THAP5: variants seen among roughly 807,000 people sequenced by gnomAD.
The protein encoded by THAP5 is THAP domain containing 5.
THAP5 carries 26 observed loss-of-function variants against 34.0 expected under a neutral mutation model. The ratio of observed to expected loss-of-function variants is 0.77; its 90% CI spans 0.56 to 1.06. The LOEUF is 1.06. Among genes scored for constraint, THAP5 ranks in the 50% least tolerant of loss-of-function variants. The pLI is 0.00. For missense variants in THAP5, 394 were observed against 452.8 expected, an observed-to-expected ratio of 0.87 and a Z score of 1.18; for synonymous variants, 125 against 153.0, an observed-to-expected ratio of 0.82 and a Z score of 1.35.
chr7:108,566,015 G>A lies in THAP5; in HGVS notation c.88C>T (p.Leu30=), dbSNP rs758197886. 2 of 1,501,362 alleles carry A rather than the reference G, an allele frequency of 1.3e-6. No homozygotes were observed. The highest frequency in any genetic ancestry group is 1.3e-5 in the South Asian group (1 of 76,160). The allele number at this position is 1,501,362 out of a possible 1,614,324, so 93.0% of individuals were successfully genotyped here. Residue 30 remains leucine, a synonymous_variant, in exon 2 of 3, where the codon CTA becomes TTA. Transcript: ENST00000415914. The part of the protein sequence containing the change: ...DRKLSFYPFP[L]HDKERLEKWL... ...TTTTCCAGTCTTTCTTTGTCATGTA[G>A]AGGAAATCTGGAATTTAAAAAAAAA... is the stretch of plus-strand genomic sequence containing the variant.
chr7:108,569,618 G>T lies in THAP5; in HGVS notation c.-49C>A, dbSNP rs575147842. The T allele has an allele frequency of 5.2e-4, 804 of 1,546,168 alleles. 1 individual carries two copies. The highest frequency in any genetic ancestry group is 5.7e-4 in the Non-Finnish European group (652 of 1,146,094). On this transcript the variant is annotated 5_prime_UTR_variant, in exon 1 of 3. Transcript: ENST00000415914. Reference sequence around the variant, plus strand: ...CCGGGGCCGGCGACGGATGCAGGGCGGCCCTCCTCACTGAGGATGCGCCAC... The same window carrying T: ...CCGGGGCCGGCGACGGATGCAGGGCTGCCCTCCTCACTGAGGATGCGCCAC...
At chr7:108,550,790 C>T (rs140197720), downstream of THAP5, among the ~76,000 whole-genome samples, 863 of 152,296 alleles carry the variant, frequency 5.7e-3, 4 homozygotes, top group Admixed American at 0.013. Flanking sequence ...ATAAGGCTCA[C>T]CCTAATGGCC....
At chr7:108,548,646 GA>G in the THAP5 span, among the ~76,000 whole-genome samples, 1 of 152,180 alleles carries the variant, frequency 6.6e-6, no homozygotes, top group African/African-American at 2.4e-5. Flanking sequence ...AATCATGACT[GA>G]AGGCAAATGA....
intron 1 of THAP5, among the ~76,000 whole-genome samples, chr7:108,567,942 A>C (rs376667216): frequency 1.1e-4 from 17 of 152,238 alleles, no homozygotes; most frequent in African/African-American, 4.1e-4. Flanking sequence ...AGTTTAGTTA[A>C]AAATTTCAGT....
downstream of THAP5, among the ~76,000 whole-genome samples, chr7:108,552,171 AT>A (rs1161701743): frequency 6.6e-6 from 1 of 152,192 alleles, no homozygotes; most frequent in Non-Finnish European, 1.5e-5. Context: ...TCTTTAGAGA[AT>A]AAACTTCCAA....
At position 108,569,526 on chromosome 7, in the gene THAP5, C is replaced by T. The variant is rs1229019984; in HGVS notation, c.44G>A (p.Gly15Glu). The change falls in exon 1 of 3, where the codon GGA (glycine) becomes GAA (glutamate). Residue 15 changes from glycine to glutamate, a missense_variant. Physicochemically the swap from Gly to Glu is moderately conservative, Grantham distance 98. Transcript: ENST00000415914. ...CAAICCKNRR[G>E]RNNKDRKLSF... ...CAGCTTCCGGTCTTTATTGTTTCGT[C>T]CCCGGCGGTTCTTACAACAAATCGC... The T allele has an allele frequency of 1.3e-6, 2 of 1,551,682 alleles. No homozygotes were observed. The highest frequency in any genetic ancestry group is 2.7e-5 in the African/African-American group (2 of 73,062).
intron 1 of THAP5, among the ~76,000 whole-genome samples, chr7:108,568,025 C>T (rs1348568206): frequency 6.6e-6 from 1 of 152,170 alleles, no homozygotes; most frequent in East Asian, 1.9e-4. Context: ...TCAAGTTCAA[C>T]ATGATCTTTT....
downstream of THAP5, among the ~76,000 whole-genome samples, chr7:108,549,569 A>G (rs1864340822): frequency 6.6e-6 from 1 of 152,152 alleles, no homozygotes; most frequent in African/African-American, 2.4e-5. Flanking sequence ...CTTCTATGTT[A>G]CCTTCTATCT....
downstream of THAP5, among the ~76,000 whole-genome samples, chr7:108,560,831 A>G: frequency 6.6e-6 from 1 of 151,820 alleles, no homozygotes; most frequent in Non-Finnish European, 1.5e-5. Flanking sequence ...GCCTTGACCT[A>G]GGCTCAAGAG....
chr7:108,553,206 T>C (rs1456428257), downstream of THAP5, among the ~76,000 whole-genome samples: 1 of 152,118 alleles, frequency 6.6e-6, no homozygotes, highest in Non-Finnish European at 1.5e-5. Flanking sequence ...GATGCTGCTC[T>C]CTTAAATTTT....
intron 1 of THAP5, 120 bp from the exon 2 acceptor site, chr7:108,566,142 A>C: frequency 1.3e-6 from 1 of 744,308 alleles, no homozygotes; most frequent in Non-Finnish European, 2.1e-6. Context: ...TACAAGAGGA[A>C]GGCAACCATC....
rs757732912 is a variant in THAP5, at chr7:108,562,527, CAG to C, written c.*1662_*1663del. The stretch of plus-strand genomic sequence containing the variant: ...TTACAAAACAATATTATTTGCCAGT[CAG>C]AGTCAACTTTTATTGAGCACCTCCT... On this transcript the variant is annotated 3_prime_UTR_variant, in exon 3 of 3. Transcript: ENST00000415914. 5.9e-5 allele frequency: 9 copies of C among 152,268 alleles called. No individual in the cohort carries two copies. In the East Asian group the frequency reaches 1.3e-3, roughly 23 times the overall value. The allele number at this position is 152,268 out of a possible 1,614,324, so 9.4% of individuals were successfully genotyped here. A position where few individuals can be genotyped will look rare whatever the true frequency, so the allele number is the denominator to read the frequency against.
chr7:108,545,522 G>A, the THAP5 span, among the ~76,000 whole-genome samples: 2 of 152,132 alleles, frequency 1.3e-5, no homozygotes, highest in African/African-American at 2.4e-5. Context: ...ATAAATTTAG[G>A]TAGAGCTTAA....
rs1790565045 is a variant in THAP5 at position 108,569,518 on chromosome 7, T to C, written c.52A>G (p.Asn18Asp). 6.4e-7 allele frequency: 1 copy of C among 1,551,818 alleles called. No homozygotes were observed. Among genetic ancestry groups the C allele is most frequent in the South Asian group, 1.2e-5 (1 of 84,070 alleles). Residue 18 changes from asparagine (N) to aspartate (D), a missense_variant, in exon 1 of 3, where the codon AAT becomes GAT. By Grantham distance (23) the Asn-to-Asp change is conservative (BLOSUM62 1). Transcript: ENST00000415914. ...TAAAAACTCAGCTTCCGGTCTTTATTGTTTCGTCCCCGGCGGTTCTTACAA... is the reference window on the plus strand; with the variant it reads ...TAAAAACTCAGCTTCCGGTCTTTATCGTTTCGTCCCCGGCGGTTCTTACAA... ...ICCKNRRGRNNKDRKLSFYPF... is the reference protein window; with the variant it reads ...ICCKNRRGRNDKDRKLSFYPF...
At chr7:108,551,973 A>C (rs1864356303), downstream of THAP5, among the ~76,000 whole-genome samples, 1 of 152,146 alleles carries the variant, frequency 6.6e-6, no homozygotes, top group Non-Finnish European at 1.5e-5. Flanking sequence ...TTCTCCAGAG[A>C]ATACACCTTC....
In THAP5 at chr7:108,563,847, C is replaced by T. The variant is rs1790413980; in HGVS notation, c.*344G>A. 5.9e-6 allele frequency: 1 copy of T among 169,600 alleles called. No homozygotes were observed. Among genetic ancestry groups the T allele is most frequent in the African/African-American group, 2.4e-5 (1 of 42,208 alleles). 10.5% of individuals were successfully genotyped at this position (169,600 alleles called of 1,614,324 possible). A position where few individuals can be genotyped will look rare whatever the true frequency, so the allele number is the denominator to read the frequency against. ...GAGGCACAATCATAAGTAACTTGCCCAAGTCATATGCCAGTGGTAGAACCA... is the reference window on the plus strand; with the variant it reads ...GAGGCACAATCATAAGTAACTTGCCTAAGTCATATGCCAGTGGTAGAACCA... On this transcript the variant is annotated 3_prime_UTR_variant, in exon 3 of 3. Coordinates refer to ENST00000415914, the MANE Select transcript of THAP5 (RefSeq NM_001130475.3).
chr7:108,569,397 A>C (rs937036900), intron 1 of THAP5, 93 bp downstream of exon 1: 6 of 1,542,354 alleles, frequency 3.9e-6, no homozygotes, highest in Admixed American at 3.9e-5. Context: ...CTGAGGACTC[A>C]CTGGCAGAGC....
downstream of THAP5, among the ~76,000 whole-genome samples, chr7:108,552,488 G>A (rs59270707): frequency 4.2e-3 from 638 of 152,130 alleles, 8 homozygotes; most frequent in African/African-American, 0.015. Context: ...CTTTGCCCTC[G>A]TGGGTTTTAC....
the THAP5 span, among the ~76,000 whole-genome samples, chr7:108,547,999 A>G: frequency 6.6e-6 from 1 of 152,242 alleles, no homozygotes; most frequent in African/African-American, 2.4e-5. Flanking sequence ...TAGAGGATCC[A>G]ATGAGCCTCC....
Sources: gnomAD v4.1 joint callset for allele counts (sites outside exome capture counted in the v4.1 genomes callset) on GRCh38, gnomAD v4.1.1 for gene constraint, MANE v1.5 for transcripts, NCBI Gene and HGNC (gene_info 2026-07-23, HGNC 2026-07-21) for gene names.